WNK1: variants seen among roughly 807,000 people sequenced by gnomAD.
WNK1 encodes the protein WNK lysine deficient protein kinase 1.
Under a neutral mutation model 222.8 loss-of-function variants are expected in WNK1, and 38 were observed. The ratio of observed to expected loss-of-function variants is 0.17; its 90% CI spans 0.13 to 0.22. The LOEUF (loss-of-function observed/expected upper bound fraction) is 0.22. Ranked by LOEUF, WNK1 falls within the 10% of genes least tolerant of loss-of-function variation. The pLI, the probability that WNK1 is intolerant of heterozygous loss-of-function variation, is 1.00. For synonymous variants in WNK1, 1,090 were observed against 1,092.9 expected (o/e 1.00, Z 0.05); for missense variants, 2,348 against 2,918.4 (o/e 0.80, Z 4.50).
chr12:876,879 G>C (rs1288316007), intron 9 of WNK1, among the ~76,000 whole-genome samples: 1 of 151,906 alleles, frequency 6.6e-6, no homozygotes, highest in African/African-American at 2.4e-5. Context: ...AATCCATGAA[G>C]GTTATGCACC....
chr12:767,600 C>T (rs1344931653), intron 1 of WNK1, among the ~76,000 whole-genome samples: 3 of 152,054 alleles, frequency 2.0e-5, no homozygotes, highest in South Asian at 2.1e-4. Context: ...TCTCCTTTCC[C>T]TCTGTAATCC....
rs547299868 is a variant in WNK1 at position 823,491 on chromosome 12, C to T, written c.933-3551C>T. 1.1e-4 allele frequency among the ~76,000 whole-genome samples: 16 copies of T among 152,274 alleles called. No homozygotes were observed. In the South Asian group the frequency reaches 3.3e-3, roughly 32 times the overall value. ...CTCCTCAGACTGTACAGTTTCACTT[C>T]CTATTTTCAAGTTTATTGCCTTTTT... On this transcript the variant is annotated intron_variant, in intron 2 of 27. Coordinates refer to ENST00000315939, the MANE Select transcript of WNK1 (RefSeq NM_018979.4).
chr12:849,837 G>A (rs1207538435), intron 4 of WNK1, among the ~76,000 whole-genome samples: 5 of 151,638 alleles, frequency 3.3e-5, no homozygotes, highest in Admixed American at 1.3e-4. Context: ...TTGTCCTTGC[G>A]ATAGTTTGCT....
chr12:765,577 A>G (rs892485690), intron 1 of WNK1, among the ~76,000 whole-genome samples: 1 of 120,214 alleles, frequency 8.3e-6, no homozygotes, highest in Non-Finnish European at 2.0e-5. Context: ...ATCATTGCAG[A>G]AAATTCTTTT....
rs749693590 is a variant in WNK1 at position 867,961 on chromosome 12, A to G, written c.2140-3304A>G. Reference sequence around the variant, plus strand: ...TTCATGAACGTCCAGTTTCTTTTTCACCACCTCCCACCTGCCCACCGAAAG... The same window carrying G: ...TTCATGAACGTCCAGTTTCTTTTTCGCCACCTCCCACCTGCCCACCGAAAG... On this transcript the variant is annotated intron_variant, in intron 8 of 27. Coordinates refer to ENST00000315939, the MANE Select transcript of WNK1 (RefSeq NM_018979.4). The G allele has an allele frequency of 1.9e-6, 3 of 1,613,738 alleles. No individual in the cohort carries two copies. Among genetic ancestry groups the G allele is most frequent in the East Asian group, 2.2e-5 (1 of 44,876 alleles).
intron 6 of WNK1, among the ~76,000 whole-genome samples, chr12:860,665 G>A (rs1258145081): frequency 2.0e-5 from 3 of 152,226 alleles, no homozygotes; most frequent in East Asian, 1.9e-4. Flanking sequence ...TAGTGGTTAC[G>A]TGTGAGGGGG....
chr12:894,449 C>T, intron 22 of WNK1, 113 bp from the exon 23 acceptor site: 1 of 887,024 alleles, frequency 1.1e-6, no homozygotes, highest in Non-Finnish European at 1.9e-6. Flanking sequence ...TTCTCTTTGC[C>T]TCTAACAGCT....
chr12:877,476 T>A (rs1194457257), intron 9 of WNK1, among the ~76,000 whole-genome samples: 1 of 152,220 alleles, frequency 6.6e-6, no homozygotes, highest in Non-Finnish European at 1.5e-5. Context: ...AGTACAGTTA[T>A]GTTCCATGCA....
chr12:841,881 GAT>G (rs1179498219), intron 4 of WNK1, among the ~76,000 whole-genome samples: 1 of 152,130 alleles, frequency 6.6e-6, no homozygotes. Context: ...CTCATGACCT[GAT>G]CACCTCCCAA....
At chr12:892,552 C>A (rs1284239710) in intron 22 of WNK1, among the ~76,000 whole-genome samples, 1 of 151,916 alleles carries the variant, frequency 6.6e-6, no homozygotes, top group Non-Finnish European at 1.5e-5. Flanking sequence ...AAAAGTGCCA[C>A]CGATTGCAAA....
At chr12:893,447 A>G (rs1243711525) in intron 22 of WNK1, among the ~76,000 whole-genome samples, 3 of 152,220 alleles carry the variant, frequency 2.0e-5, no homozygotes, top group Non-Finnish European at 4.4e-5. Flanking sequence ...TCAATGTTCT[A>G]CTAGCTGTAT....
intron 8 of WNK1, chr12:869,120 C>T: frequency 6.2e-7 from 1 of 1,613,854 alleles, no homozygotes; most frequent in South Asian, 1.1e-5. Context: ...AGGAAAACTT[C>T]CACAATTATT....
chr12:788,232 A>G (rs894894131), intron 1 of WNK1, among the ~76,000 whole-genome samples: 1 of 152,154 alleles, frequency 6.6e-6, no homozygotes, highest in African/African-American at 2.4e-5. Flanking sequence ...ATAATTGAAT[A>G]CTGTGGCAAA....
chr12:818,401 T>C (rs1947557633), intron 2 of WNK1, among the ~76,000 whole-genome samples: 1 of 152,184 alleles, frequency 6.6e-6, no homozygotes, highest in Admixed American at 6.5e-5. Context: ...GCTAACCTTA[T>C]TTGGGCTTCA....
intron 8 of WNK1, among the ~76,000 whole-genome samples, chr12:867,310 C>T (rs547946063): frequency 1.3e-5 from 2 of 152,198 alleles, no homozygotes; most frequent in South Asian, 2.1e-4. Context: ...CTTTTACTAT[C>T]CACCAAAAAT....
Position 911,133 on chromosome 12 carries a change from T to TAAC in WNK1, c.*2344_*2346dup, listed in dbSNP as rs1319854033. ...TGATTTCATCCTCCTGTGTATGAAA[T>TAAC]AACAAGCCTAGAGGAATGAACTAGT... On this transcript the variant is annotated 3_prime_UTR_variant, in exon 28 of 28. Transcript: ENST00000315939. 2 of 396,098 alleles carry TAAC rather than the reference T, an allele frequency of 5.0e-6. No homozygotes were observed. The highest frequency in any genetic ancestry group is 4.1e-5 in the African/African-American group (2 of 48,604). The allele number at this position is 396,098 out of a possible 1,614,324, so 24.5% of individuals were successfully genotyped here.
At chr12:907,024 T>TAAAAAAAAAAAAAAAAAAAAAAAAA (rs67823034) in intron 26 of WNK1, among the ~76,000 whole-genome samples, 2 of 47,430 alleles carry the variant, frequency 4.2e-5, no homozygotes, top group African/African-American at 1.9e-4. Context: ...ACCCTTCCTT[T>TAAAAAAAAAAAAAAAAAAAAAAAAA]AAAAAAAAAA....
At chr12:839,389 C>T (rs1270044797) in intron 4 of WNK1, among the ~76,000 whole-genome samples, 3 of 152,106 alleles carry the variant, frequency 2.0e-5, no homozygotes, top group African/African-American at 7.2e-5. Context: ...GAATGGATTT[C>T]TGAGGAAAGA....
intron 4 of WNK1, among the ~76,000 whole-genome samples, chr12:834,241 G>A (rs959153854): frequency 1.3e-5 from 2 of 152,212 alleles, no homozygotes; most frequent in African/African-American, 4.8e-5. Context: ...TTGATCCAAG[G>A]ACAAATCAAT....
Sources: allele counts gnomAD v4.1 joint callset (sites outside exome capture counted in the v4.1 genomes callset), GRCh38; gene constraint gnomAD v4.1.1; transcripts MANE v1.5; gene names NCBI Gene and HGNC (gene_info 2026-07-23, HGNC 2026-07-21).